Variants in CEP85L observed in about 807,000 individuals in gnomAD.
CEP85L encodes the protein centrosomal protein of 85 kDa-like.
Under a neutral mutation model 100.3 loss-of-function variants are expected in CEP85L, and 60 were observed. The ratio of observed to expected loss-of-function variants is 0.60; its 90% CI spans 0.49 to 0.74. CEP85L has a LOEUF of 0.74. CEP85L is among the 30% of genes least tolerant of loss of function. The pLI is 0.00. For missense variants in CEP85L, 973 were observed against 936.2 expected (o/e 1.04, Z -0.51); for synonymous variants, 319 against 322.7 (o/e 0.99, Z 0.12).
intron 3 of CEP85L, among the ~76,000 whole-genome samples, chr6:118,542,172 T>C (rs970334322): frequency 3.3e-5 from 5 of 152,140 alleles, no homozygotes; most frequent in Admixed American, 3.3e-4. Flanking sequence ...AAACTCACAT[T>C]TACATAGTAA....
chr6:118,686,880 T>C (rs1158470201), intron 1 of CEP85L, among the ~76,000 whole-genome samples: 1 of 152,168 alleles, frequency 6.6e-6, no homozygotes, highest in Admixed American at 6.5e-5. Context: ...TCTCACCTGA[T>C]TAAAATTTCC....
intron 3 of CEP85L, among the ~76,000 whole-genome samples, chr6:118,530,792 T>A (rs1331459087): frequency 2.0e-5 from 3 of 150,280 alleles, no homozygotes; most frequent in Non-Finnish European, 3.0e-5. Context: ...AGAATACAAC[T>A]AACTAGGGAA....
chr6:118,554,873 A>AT (rs1778760814), intron 3 of CEP85L, among the ~76,000 whole-genome samples: 1 of 152,214 alleles, frequency 6.6e-6, no homozygotes, highest in Admixed American at 6.5e-5. Context: ...GGAATGGAGT[A>AT]TTTATGGAAA....
At chr6:118,516,533 G>GC (rs1776290333) in intron 4 of CEP85L, among the ~76,000 whole-genome samples, 1 of 152,024 alleles carries the variant, frequency 6.6e-6, no homozygotes, top group Non-Finnish European at 1.5e-5. Context: ...ACGTTTGTTG[G>GC]CCATATAAAT....
intron 10 of CEP85L, 94 bp downstream of exon 10, chr6:118,479,777 C>A (rs369152732): frequency 1.3e-5 from 7 of 556,894 alleles, no homozygotes; most frequent in African/African-American, 6.0e-5. Context: ...TCTTTCCATA[C>A]GATATATGCA....
At chr6:118,504,946 C>T (rs890547054) in intron 5 of CEP85L, among the ~76,000 whole-genome samples, 6 of 152,020 alleles carry the variant, frequency 3.9e-5, no homozygotes, top group African/African-American at 1.4e-4. Flanking sequence ...GGGAAAAATG[C>T]ATCTTTGGTT....
chr6:118,544,475 A>G (rs375653450), intron 3 of CEP85L, among the ~76,000 whole-genome samples: 18 of 152,224 alleles, frequency 1.2e-4, no homozygotes, highest in African/African-American at 3.9e-4. Context: ...TTTCATTTCC[A>G]TATTATTTGT....
chr6:118,593,311 G>A (rs2115132288), intron 2 of CEP85L, among the ~76,000 whole-genome samples: 1 of 151,356 alleles, frequency 6.6e-6, no homozygotes, highest in East Asian at 1.9e-4. Flanking sequence ...TCAAACGGGT[G>A]TATGGTATAA....
At chr6:118,506,090 G>A (rs965490396) in intron 5 of CEP85L, among the ~76,000 whole-genome samples, 4 of 152,034 alleles carry the variant, frequency 2.6e-5, no homozygotes, top group African/African-American at 7.2e-5. Context: ...GTTAACACAG[G>A]TGCTTCTACT....
chr6:118,567,233 G>GTATATATATA (rs1779576208), intron 2 of CEP85L, among the ~76,000 whole-genome samples: 1 of 85,946 alleles, frequency 1.2e-5, no homozygotes, highest in Admixed American at 1.4e-4. Flanking sequence ...GTGTGTGTGT[G>GTATATATATA]TGTGTGTGTG....
rs886539744 is a variant in CEP85L, at chr6:118,464,716, C to G, written c.*689G>C. 3.3e-5 allele frequency: 5 copies of G among 152,036 alleles called. No homozygotes were observed. The highest frequency in any genetic ancestry group is 1.3e-4 in the Admixed American group (2 of 15,236). 9.4% of individuals were successfully genotyped at this position (152,036 alleles called of 1,614,324 possible). ...ACAATGCTAAGGAAAAAGAGCATCA[C>G]GTCAAAATTTCACACCTCTTGGGAA... On this transcript the variant is annotated 3_prime_UTR_variant, in exon 13 of 13. Transcript: ENST00000368491.
rs1772189742 is a variant in CEP85L at position 118,460,785 on chromosome 6, AATTT to A, written c.*4616_*4619del. 6.6e-6 allele frequency: 1 copy of A among 152,196 alleles called. No homozygotes were observed. The highest frequency in any genetic ancestry group is 2.1e-4 in the South Asian group (1 of 4,832). 9.4% of individuals were successfully genotyped at this position (152,196 alleles called of 1,614,324 possible). A position where few individuals can be genotyped will look rare whatever the true frequency, so the allele number is the denominator to read the frequency against. On this transcript the variant is annotated 3_prime_UTR_variant, in exon 13 of 13. Transcript: ENST00000368491. ...AGAGGACATAAATCTTTTTATAAAAAATTTATTTCTCTGTAAATACAAATTCCAA... is the reference window on the plus strand; with the variant it reads ...AGAGGACATAAATCTTTTTATAAAAAATTTCTCTGTAAATACAAATTCCAA...
At chr6:118,544,073 C>A (rs1778060244) in intron 3 of CEP85L, among the ~76,000 whole-genome samples, 1 of 152,154 alleles carries the variant, frequency 6.6e-6, no homozygotes, top group Non-Finnish European at 1.5e-5. Flanking sequence ...GATAGTGCCA[C>A]CACAAAGTTT....
At chr6:118,478,548 A>C (rs1455110339) in intron 10 of CEP85L, among the ~76,000 whole-genome samples, 2 of 152,132 alleles carry the variant, frequency 1.3e-5, no homozygotes, top group East Asian at 3.8e-4. Context: ...AAGAAAAGAA[A>C]ACCAAAAAAG....
chr6:118,608,538 T>A (rs1031633196), intron 2 of CEP85L, among the ~76,000 whole-genome samples: 1 of 151,914 alleles, frequency 6.6e-6, no homozygotes, highest in African/African-American at 2.4e-5. Flanking sequence ...ATAAAATTAA[T>A]CTCTTATCTC....
At chr6:118,604,426 T>G in intron 2 of CEP85L, among the ~76,000 whole-genome samples, 1 of 152,224 alleles carries the variant, frequency 6.6e-6, no homozygotes, top group East Asian at 1.9e-4. Context: ...ACTTTTAGCT[T>G]TATTCTAACT....
intron 1 of CEP85L, among the ~76,000 whole-genome samples, chr6:118,637,467 G>A (rs1774570038): frequency 6.6e-6 from 1 of 151,620 alleles, no homozygotes. Flanking sequence ...GGAGGCCAAC[G>A]CTGGCAGACA....
intron 10 of CEP85L, among the ~76,000 whole-genome samples, chr6:118,472,124 T>C (rs1002556535): frequency 2.0e-5 from 3 of 151,942 alleles, no homozygotes; most frequent in South Asian, 2.1e-4. Flanking sequence ...TAATGATACA[T>C]TGTAACAGAA....
intron 5 of CEP85L, among the ~76,000 whole-genome samples, chr6:118,505,968 G>A (rs759626224): frequency 1.8e-4 from 28 of 152,186 alleles, no homozygotes; most frequent in Non-Finnish European, 3.2e-4. Flanking sequence ...TAGTGGGGGA[G>A]GTTGAGCACG....
Sources: gnomAD v4.1 joint callset for allele counts (sites outside exome capture counted in the v4.1 genomes callset) on GRCh38, gnomAD v4.1.1 for gene constraint, MANE v1.5 for transcripts, NCBI Gene and HGNC (gene_info 2026-07-23, HGNC 2026-07-21) for gene names.